Variants in MRPL1 observed in about 807,000 individuals in gnomAD.
MRPL1 encodes the protein large ribosomal subunit protein uL1m.
In MRPL1, 28 loss-of-function variants were observed where a neutral mutation model predicts 38.0. The ratio of observed to expected loss-of-function variants is 0.74; its 90% CI spans 0.55 to 1.01. The LOEUF (loss-of-function observed/expected upper bound fraction) is 1.01, where lower values mean the gene tolerates loss of function less well. MRPL1 is among the 50% of genes least tolerant of loss of function. The pLI is 0.00. For synonymous variants in MRPL1, 123 were observed against 126.7 expected, an observed-to-expected ratio of 0.97 and a Z score of 0.20; for missense variants, 358 against 389.8, an observed-to-expected ratio of 0.92 and a Z score of 0.69.
At chr4:77,926,428 G>T (rs1242216198) in intron 7 of MRPL1, among the ~76,000 whole-genome samples, 1 of 152,090 alleles carries the variant, frequency 6.6e-6, no homozygotes, top group Non-Finnish European at 1.5e-5. Flanking sequence ...TTTAGTTCAA[G>T]GATCTAATGA....
At chr4:77,928,926 A>G (rs370206402) in intron 7 of MRPL1, among the ~76,000 whole-genome samples, 16 of 152,352 alleles carry the variant, frequency 1.1e-4, no homozygotes, top group African/African-American at 3.4e-4. Context: ...GAATAATAGC[A>G]TAAGAAAAAC....
intron 6 of MRPL1, among the ~76,000 whole-genome samples, chr4:77,896,132 G>A (rs537573746): frequency 3.5e-5 from 5 of 142,676 alleles, no homozygotes; most frequent in South Asian, 4.4e-4. Flanking sequence ...CATTCTCTCT[G>A]TAACCCTTTT....
chr4:77,877,317 C>T (rs539040297), intron 2 of MRPL1, among the ~76,000 whole-genome samples: 1 of 152,084 alleles, frequency 6.6e-6, no homozygotes, highest in Non-Finnish European at 1.5e-5. Flanking sequence ...TCTGTCAGAG[C>T]ATTGAGTCAA....
At chr4:77,864,994 A>G (rs943472772) in intron 1 of MRPL1, among the ~76,000 whole-genome samples, 3 of 151,738 alleles carry the variant, frequency 2.0e-5, no homozygotes. Flanking sequence ...GGTTCAAGCA[A>G]TTCTTGTGCC....
chr4:77,935,456 G>A (rs1380625254), intron 7 of MRPL1, among the ~76,000 whole-genome samples: 4 of 151,748 alleles, frequency 2.6e-5, no homozygotes, highest in South Asian at 2.1e-4. Context: ...GTGCAGTGGC[G>A]CATCTTGGCT....
At chr4:77,897,990 C>A (rs1394698271) in intron 6 of MRPL1, among the ~76,000 whole-genome samples, 2 of 152,148 alleles carry the variant, frequency 1.3e-5, no homozygotes, top group Non-Finnish European at 2.9e-5. Context: ...CTTTCCTTTG[C>A]TTCCTTTACT....
At chr4:77,891,349 G>GTTTTTTTTTTTTTTT (rs797018478) in intron 5 of MRPL1, among the ~76,000 whole-genome samples, 4 of 125,140 alleles carry the variant, frequency 3.2e-5, no homozygotes, top group Admixed American at 8.0e-5. Flanking sequence ...AGTTTTTTTT[G>GTTTTTTTTTTTTTTT]TTTTTTTTTT....
intron 5 of MRPL1, among the ~76,000 whole-genome samples, chr4:77,888,732 C>T (rs1393301293): frequency 1.3e-5 from 2 of 151,830 alleles, no homozygotes; most frequent in Non-Finnish European, 2.9e-5. Context: ...TTTTATTATA[C>T]TTTAAGTTCT....
Position 77,952,591 on chromosome 4 carries a change from A to T in MRPL1, c.962A>T (p.Glu321Val). The change falls in exon 9 of 9, where the codon GAA (glutamate) becomes GTA (valine). Residue 321 changes from glutamate (E) to valine (V), a missense_variant. Physicochemically the swap from Glu to Val is moderately radical, Grantham distance 121. Transcript: ENST00000315567. ...AAAGAAGTAAAAAATGAAGAAAGTG[A>T]AAAAGAAGATGCCTAAATGTGGTGA... ...LPKEVKNEES[E>V]KEDA is the part of the protein sequence containing the mutation. 2 of 1,603,340 alleles carry T rather than the reference A, an allele frequency of 1.2e-6. No individual in the cohort carries two copies. Among genetic ancestry groups the T allele is most frequent in the South Asian group, 2.2e-5 (2 of 90,532 alleles).
chr4:77,942,147 A>G (rs1236347814), intron 7 of MRPL1, among the ~76,000 whole-genome samples: 7 of 152,226 alleles, frequency 4.6e-5, no homozygotes, highest in Non-Finnish European at 4.4e-5. Context: ...ATCATTCAGG[A>G]GCAGGCTGTT....
At chr4:77,912,691 T>C (rs1436248002) in intron 7 of MRPL1, among the ~76,000 whole-genome samples, 4 of 152,168 alleles carry the variant, frequency 2.6e-5, no homozygotes, top group Non-Finnish European at 5.9e-5. Flanking sequence ...TTGTAGAAAC[T>C]GACTAGCTGA....
At chr4:77,893,589 A>C (rs1735851766) in intron 5 of MRPL1, among the ~76,000 whole-genome samples, 1 of 152,148 alleles carries the variant, frequency 6.6e-6, no homozygotes, top group African/African-American at 2.4e-5. Flanking sequence ...ACTATAAGTG[A>C]ACTTGTCTTT....
At chr4:77,925,190 C>T (rs58054752) in intron 7 of MRPL1, among the ~76,000 whole-genome samples, 22,439 of 152,010 alleles carry the variant, frequency 0.15, 1,894 homozygotes, top group South Asian at 0.25. Flanking sequence ...TTTTAGCATG[C>T]ATAGCCTGAG....
At chr4:77,867,340 ATGCATAATATTTGAGTCCAATTTT>A (rs1217625675) in intron 1 of MRPL1, among the ~76,000 whole-genome samples, 1 of 152,194 alleles carries the variant, frequency 6.6e-6, no homozygotes, top group African/African-American at 2.4e-5. Context: ...ATGTGCTGTA[ATGCATAATATTTGAGTCCAATTTT>A]TGCTCTCATT....
chr4:77,909,048 A>C (rs546670741), intron 6 of MRPL1, among the ~76,000 whole-genome samples: 1 of 152,214 alleles, frequency 6.6e-6, no homozygotes, highest in Non-Finnish European at 1.5e-5. Flanking sequence ...TAATGTAATT[A>C]TGTACACATG....
chr4:77,899,686 G>A (rs1294420021), intron 6 of MRPL1, among the ~76,000 whole-genome samples: 1 of 151,898 alleles, frequency 6.6e-6, no homozygotes, highest in Admixed American at 6.6e-5. Flanking sequence ...GAAAAGAGAA[G>A]GTATTTTAGG....
Position 77,952,541 on chromosome 4 carries a change from A to G in MRPL1, c.912A>G (p.Leu304=). The change falls in exon 9 of 9, where the codon TTA becomes TTG. Residue 304 remains leucine, a synonymous_variant. Coordinates refer to ENST00000315567, the MANE Select transcript of MRPL1 (RefSeq NM_020236.4). ...FLRSSTSEGL[L]LKIDPLLPKE... ...GTAGTTCAACAAGTGAAGGTTTATTACTGAAGATTGATCCATTGTTGCCTA... is the reference window on the plus strand; with the variant it reads ...GTAGTTCAACAAGTGAAGGTTTATTGCTGAAGATTGATCCATTGTTGCCTA... The G allele has an allele frequency of 6.2e-7, 1 of 1,613,656 alleles. No homozygotes were observed. The highest frequency in any genetic ancestry group is 8.5e-7 in the Non-Finnish European group (1 of 1,179,832).
At chr4:77,896,094 T>C (rs1246126325) in intron 6 of MRPL1, among the ~76,000 whole-genome samples, 1 of 151,960 alleles carries the variant, frequency 6.6e-6, no homozygotes, top group East Asian at 1.9e-4. Context: ...TTAAAAGACA[T>C]TAATTTTGTC....
In MRPL1 at chr4:77,888,490, G is replaced by A. The variant is rs568600292; in HGVS notation, c.558+1199G>A. 5.9e-5 allele frequency among the ~76,000 whole-genome samples: 9 copies of A among 152,200 alleles called. No homozygotes were observed. In the South Asian group the frequency reaches 6.2e-4, roughly 11 times the overall value. ...TACACTCCAGCCTAGGCAACAGAGC[G>A]AGACTCTGTCTCCAAAAAAATAAAT... On this transcript the variant is annotated intron_variant, in intron 5 of 8. Transcript: ENST00000315567.
Sources: gnomAD v4.1 joint callset for allele counts (sites outside exome capture counted in the v4.1 genomes callset) on GRCh38, gnomAD v4.1.1 for gene constraint, MANE v1.5 for transcripts, NCBI Gene and HGNC (gene_info 2026-07-23, HGNC 2026-07-21) for gene names.